The following CAPRIN1 variants were observed in gnomAD, a reference collection of about 807,000 sequenced individuals.
CAPRIN1 encodes cell cycle associated protein 1, also known as caprin-1.
In CAPRIN1, 29 loss-of-function variants were observed where a neutral mutation model predicts 100.9. The ratio of observed to expected loss-of-function variants is 0.29; its 90% CI spans 0.21 to 0.39. CAPRIN1 has a LOEUF of 0.39. Among genes scored for constraint, CAPRIN1 ranks in the 10% least tolerant of loss-of-function variants. The pLI is 1.00. For missense variants in CAPRIN1, 795 were observed against 876.7 expected, an observed-to-expected ratio of 0.91 and a Z score of 1.18; for synonymous variants, 338 against 307.5, an observed-to-expected ratio of 1.10 and a Z score of -1.04.
At chr11:34,062,096 A>G (rs1158640238) in intron 2 of CAPRIN1, among the ~76,000 whole-genome samples, 2 of 152,102 alleles carry the variant, frequency 1.3e-5, no homozygotes, top group Non-Finnish European at 2.9e-5. Flanking sequence ...TGGATCAGCT[A>G]TGGATTGTAG....
In CAPRIN1 at chr11:34,090,509, T is replaced by C. The variant is rs60128971; in HGVS notation, c.1405-20T>C. ...AAGTTTAGTTTACCGCTAAAGTGCA[T>C]CTATTCACTTTGTGTTTAGGCAACA... On this transcript the variant is annotated intron_variant, in intron 13 of 18. Coordinates refer to ENST00000341394, the MANE Select transcript of CAPRIN1 (RefSeq NM_005898.5). The C allele has an allele frequency of 3.6e-4, 572 of 1,607,078 alleles. 3 individuals are homozygous for C. The East Asian group carries it at 6.8e-3, about 19-fold the overall frequency.
chr11:34,091,838 T>G, intron 14 of CAPRIN1, 68 bp from the exon 15 acceptor site: 2 of 1,423,768 alleles, frequency 1.4e-6, no homozygotes, highest in Non-Finnish European at 1.9e-6. Context: ...AAACCACCAT[T>G]GAGTTTGGCC....
At chr11:34,093,003 T>C (rs1200434717) in intron 15 of CAPRIN1, among the ~76,000 whole-genome samples, 3 of 151,132 alleles carry the variant, frequency 2.0e-5, no homozygotes, top group African/African-American at 7.3e-5. Flanking sequence ...GGACTACAGG[T>C]GCTTACCGCC....
intron 9 of CAPRIN1, among the ~76,000 whole-genome samples, chr11:34,084,689 A>C (rs887610919): frequency 2.6e-5 from 4 of 152,338 alleles, no homozygotes; most frequent in African/African-American, 9.6e-5. Flanking sequence ...GAGGTGTACA[A>C]ACCCATTGAG....
chr11:34,083,062 A>C (rs759734608), intron 9 of CAPRIN1, 21 bp downstream of exon 9: 1 of 1,553,830 alleles, frequency 6.4e-7, no homozygotes, highest in Non-Finnish European at 8.9e-7. Flanking sequence ...TCTGTATTGC[A>C]AAGTTGTTGT....
chr11:34,072,516 T>G (rs1850822775), intron 4 of CAPRIN1, among the ~76,000 whole-genome samples: 1 of 152,184 alleles, frequency 6.6e-6, no homozygotes, highest in African/African-American at 2.4e-5. Context: ...GACTCACAAT[T>G]TAAACTGTCA....
rs1240520127 is a variant in CAPRIN1, at chr11:34,090,231, A to G, written c.1346A>G (p.Tyr449Cys). Reference protein sequence around the residue: ...SEGYTASQPLYQPSHATEQRP... With the variant: ...SEGYTASQPLCQPSHATEQRP... Reference sequence around the variant, plus strand: ...GGGTACACAGCATCTCAACCCTTGTACCAGCCTTCTCATGCTACAGAGCAA... The same window carrying G: ...GGGTACACAGCATCTCAACCCTTGTGCCAGCCTTCTCATGCTACAGAGCAA... The change falls in exon 13 of 19, where the codon TAC (tyrosine) becomes TGC (cysteine). Residue 449 changes from tyrosine (Y) to cysteine (C), a missense_variant. By Grantham distance (194) the Tyr-to-Cys change is radical (BLOSUM62 -2). Around this residue, in one of 3 missense-constraint regions of CAPRIN1, gnomAD observed 648 missense variants for 697.9 expected, o/e 0.93. Coordinates refer to ENST00000341394, the MANE Select transcript of CAPRIN1 (RefSeq NM_005898.5). 1 of 1,613,928 alleles carries G rather than the reference A, an allele frequency of 6.2e-7. No homozygotes were observed. The highest frequency in any genetic ancestry group is 8.5e-7 in the Non-Finnish European group (1 of 1,179,976).
intron 2 of CAPRIN1, among the ~76,000 whole-genome samples, chr11:34,062,215 GGGCAAAT>G (rs1850595229): frequency 1.3e-5 from 2 of 152,152 alleles, no homozygotes; most frequent in African/African-American, 4.8e-5. Flanking sequence ...AATTTGTGGA[GGGCAAAT>G]AGGAGACAGT....
chr11:34,092,886 T>G (rs1412205240), intron 15 of CAPRIN1, among the ~76,000 whole-genome samples: 1 of 152,178 alleles, frequency 6.6e-6, no homozygotes, highest in Non-Finnish European at 1.5e-5. Flanking sequence ...AGGTTCTCAC[T>G]TTGTTGCCCG....
rs1279240312 is a variant in CAPRIN1, at chr11:34,090,632, G to A, written c.1508G>A (p.Ser503Asn). The A allele has an allele frequency of 8.7e-6, 14 of 1,614,004 alleles. No individual in the cohort carries two copies. Among genetic ancestry groups the A allele is most frequent in the African/African-American group, 2.7e-5 (2 of 74,910 alleles). ...FQAGTSKPLH[S>N]SGINVNAAPF... The stretch of plus-strand genomic sequence containing the variant: ...GCTGGGACAAGCAAACCTTTACATA[G>A]CAGTGGAATCAATGTAAATGCAGCT... The change falls in exon 14 of 19, where the codon AGC becomes AAC. Residue 503 changes from serine to asparagine, a missense_variant. Coordinates refer to ENST00000341394, the MANE Select transcript of CAPRIN1 (RefSeq NM_005898.5).
At chr11:34,074,800 G>A (rs756113816) in intron 4 of CAPRIN1, among the ~76,000 whole-genome samples, 9 of 152,204 alleles carry the variant, frequency 5.9e-5, no homozygotes, top group Non-Finnish European at 1.3e-4. Context: ...ACTTGAATTC[G>A]AGAAGTAGAG....
At chr11:34,057,055 C>T (rs781077137) in intron 2 of CAPRIN1, among the ~76,000 whole-genome samples, 4 of 152,172 alleles carry the variant, frequency 2.6e-5, no homozygotes, top group African/African-American at 7.2e-5. Context: ...TTCATTGCAG[C>T]TGTTGTGCAG....
intron 18 of CAPRIN1, chr11:34,097,991 T>C (rs909232745): frequency 9.9e-6 from 12 of 1,216,986 alleles, no homozygotes; most frequent in African/African-American, 4.6e-5. Context: ...CTAGAACATA[T>C]TCTCTTCTCA....
intron 2 of CAPRIN1, among the ~76,000 whole-genome samples, chr11:34,064,640 A>AGTGTACATTTTGGTATTTACCACTT (rs1478187721): frequency 6.6e-6 from 1 of 152,200 alleles, no homozygotes; most frequent in African/African-American, 2.4e-5. Context: ...TTCTGTTTAT[A>AGTGTACATTTTGGTATTTACCACTT]GTGTACATTT....
intron 5 of CAPRIN1, 26 bp from the exon 6 acceptor site, chr11:34,076,534 A>G (rs1382166565): frequency 1.0e-5 from 16 of 1,607,292 alleles, no homozygotes; most frequent in East Asian, 2.2e-5. Flanking sequence ...CTGAAAGGTT[A>G]TTAATTAGCT....
chr11:34,065,142 T>G (rs1231117682), intron 2 of CAPRIN1, among the ~76,000 whole-genome samples: 2 of 151,822 alleles, frequency 1.3e-5, no homozygotes, highest in Non-Finnish European at 2.9e-5. Flanking sequence ...TTTTGTATTT[T>G]TAGTAGAGAC....
intron 4 of CAPRIN1, among the ~76,000 whole-genome samples, chr11:34,074,504 T>A (rs1053741414): frequency 6.6e-6 from 1 of 152,224 alleles, no homozygotes; most frequent in Non-Finnish European, 1.5e-5. Flanking sequence ...ACAGAATAGC[T>A]TTCTTTCTTA....
At position 34,079,674 on chromosome 11, in the gene CAPRIN1, C is replaced by T. The variant is rs1850973199; in HGVS notation, c.735C>T (p.Tyr245=). 6.2e-7 allele frequency: 1 copy of T among 1,613,828 alleles called. No homozygotes were observed. The highest frequency in any genetic ancestry group is 1.1e-5 in the South Asian group (1 of 91,080). The change falls in exon 7 of 19, where the codon TAC becomes TAT. Residue 245 remains tyrosine (Y), a synonymous_variant. Coordinates refer to ENST00000341394, the MANE Select transcript of CAPRIN1 (RefSeq NM_005898.5). ...EIVERVFQSN[Y]FDSTHNHQNG... ...TTGAGCGTGTTTTTCAGTCAAACTA[C>T]TTTGACAGCACCCACAACCACCAGA...
chr11:34,092,358 C>CTTT (rs1216471251), intron 15 of CAPRIN1, among the ~76,000 whole-genome samples: 2 of 139,412 alleles, frequency 1.4e-5, no homozygotes, highest in Admixed American at 7.2e-5. Flanking sequence ...ATAAAGTGTA[C>CTTT]TTTTTTTTTT....
Sources: gnomAD v4.1 joint callset for allele counts (sites outside exome capture counted in the v4.1 genomes callset) on GRCh38, gnomAD v4.1.1 for gene constraint, gnomAD v4.1.1 regional missense constraint, MANE v1.5 for transcripts, NCBI Gene and HGNC (gene_info 2026-07-23, HGNC 2026-07-21) for gene names.